The following CCR3 variants were observed in gnomAD, a reference collection of about 807,000 sequenced individuals.
CCR3 encodes C-C motif chemokine receptor 3.
For missense variants in CCR3, 419 were observed against 437.5 expected (o/e 0.96, Z 0.38); for synonymous variants, 203 against 179.2 (o/e 1.13, Z -1.06).
In CCR3 at chr3:46,248,628, G is replaced by A. The variant is rs113287183; in HGVS notation, c.-12+6090G>A. ...TATGCCGAGATAGGTAACAGATGAC[G>A]ATGAAATTTGGGCTTGACTGAAGTA... On this transcript the variant is annotated intron_variant, in intron 1 of 1. Coordinates refer to ENST00000395940, the MANE Select transcript of CCR3 (RefSeq NM_178329.3). Among the ~76,000 whole-genome samples the A allele has an allele frequency of 2.2e-3, 331 of 152,252 alleles. 2 individuals are homozygous for A. The highest frequency in any genetic ancestry group is 6.5e-3 in the African/African-American group (272 of 41,536).
At chr3:46,265,077 A>G in intron 1 of CCR3, 71 bp from the exon 2 acceptor site, 1 of 986,836 alleles carries the variant, frequency 1.0e-6, no homozygotes. Context: ...ACATGAATAA[A>G]TCAACTGGTG....
At chr3:46,227,635 T>C (rs892801558) in intron 2 of CCR3, among the ~76,000 whole-genome samples, 2 of 152,220 alleles carry the variant, frequency 1.3e-5, no homozygotes, top group African/African-American at 4.8e-5. Flanking sequence ...GCGAGACTGT[T>C]CTTTTCTAAT....
chr3:46,221,617 T>G (rs1232806959), intron 2 of CCR3, among the ~76,000 whole-genome samples: 1 of 152,172 alleles, frequency 6.6e-6, no homozygotes, highest in Non-Finnish European at 1.5e-5. Context: ...CAATTTGCAC[T>G]TCCCTTTTCT....
chr3:46,242,299 A>T (rs200688835), upstream of CCR3: 2 of 152,170 alleles, frequency 1.3e-5, no homozygotes, highest in South Asian at 4.1e-4. Context: ...CTTTCTGAAA[A>T]CTTGCAAAAC....
At chr3:46,235,659 A>C (rs1220674314) in intron 2 of CCR3, among the ~76,000 whole-genome samples, 4 of 152,220 alleles carry the variant, frequency 2.6e-5, no homozygotes, top group Non-Finnish European at 4.4e-5. Context: ...ACATTTCAAA[A>C]GGCGTTGAGG....
intron 2 of CCR3, among the ~76,000 whole-genome samples, chr3:46,216,214 CTGAT>C (rs1699772440): frequency 6.6e-6 from 1 of 152,208 alleles, no homozygotes; most frequent in Non-Finnish European, 1.5e-5. Flanking sequence ...ATGTAAGGGA[CTGAT>C]TAAGTCCCGC....
intron 1 of CCR3, among the ~76,000 whole-genome samples, chr3:46,259,456 G>A (rs1212512824): frequency 6.6e-6 from 1 of 152,000 alleles, no homozygotes; most frequent in African/African-American, 2.4e-5. Flanking sequence ...TACAACACAT[G>A]GCTGGTAAAA....
intron 1 of CCR3, among the ~76,000 whole-genome samples, chr3:46,250,623 G>A (rs1257277364): frequency 6.6e-6 from 1 of 152,124 alleles, no homozygotes; most frequent in African/African-American, 2.4e-5. Flanking sequence ...AGTTTGTATT[G>A]GAGCCAAGCA....
chr3:46,256,528 C>T (rs1370775684), intron 1 of CCR3, among the ~76,000 whole-genome samples: 2 of 152,000 alleles, frequency 1.3e-5, no homozygotes, highest in Non-Finnish European at 2.9e-5. Context: ...TTTTGAAAAA[C>T]TTATAAAAAC....
At chr3:46,263,420 G>T (rs946879676) in intron 1 of CCR3, 1 of 155,450 alleles carries the variant, frequency 6.4e-6, no homozygotes, top group Admixed American at 6.5e-5. Context: ...ATGCTATTAT[G>T]AATAAGAATG....
At chr3:46,250,790 G>A (rs917681143) in intron 1 of CCR3, among the ~76,000 whole-genome samples, 1 of 151,882 alleles carries the variant, frequency 6.6e-6, no homozygotes, top group African/African-American at 2.4e-5. Context: ...AGAGAGTAGA[G>A]ACATGGAGGG....
intron 2 of CCR3, among the ~76,000 whole-genome samples, chr3:46,219,993 A>G (rs1699816771): frequency 6.6e-6 from 1 of 152,268 alleles, no homozygotes. Flanking sequence ...AATAGATGGG[A>G]CTGAATTAAA....
At chr3:46,249,242 A>G (rs1443858710) in intron 1 of CCR3, among the ~76,000 whole-genome samples, 1 of 152,114 alleles carries the variant, frequency 6.6e-6, no homozygotes, top group African/African-American at 2.4e-5. Flanking sequence ...GTCCAGGAAT[A>G]GTCAGGGAAG....
chr3:46,264,107 A>G (rs1244212169), intron 1 of CCR3: 3 of 349,434 alleles, frequency 8.6e-6, no homozygotes, highest in African/African-American at 4.4e-5. Context: ...ACCGAAGTCT[A>G]TAATCTCAAG....
intron 2 of CCR3, among the ~76,000 whole-genome samples, chr3:46,221,469 T>G (rs937790107): frequency 1.2e-4 from 18 of 152,198 alleles, no homozygotes; most frequent in African/African-American, 3.6e-4. Flanking sequence ...TTCCTGCACA[T>G]GCAAGATGCA....
chr3:46,262,269 T>G (rs1473756008), intron 1 of CCR3, among the ~76,000 whole-genome samples: 2 of 152,240 alleles, frequency 1.3e-5, no homozygotes, highest in African/African-American at 4.8e-5. Flanking sequence ...ATCCAGCAGA[T>G]GAGAAGCTGG....
upstream of CCR3, among the ~76,000 whole-genome samples, chr3:46,239,052 G>C (rs1350789691): frequency 3.3e-5 from 5 of 152,102 alleles, no homozygotes; most frequent in Non-Finnish European, 2.9e-5. Context: ...TGAATTTGTT[G>C]ACCTGTACCC....
chr3:46,219,487 A>G (rs1370692661), intron 2 of CCR3, among the ~76,000 whole-genome samples: 1 of 152,138 alleles, frequency 6.6e-6, no homozygotes, highest in Non-Finnish European at 1.5e-5. Flanking sequence ...AAAAAATCCT[A>G]TAATTCATAT....
intron 1 of CCR3, among the ~76,000 whole-genome samples, chr3:46,254,723 GACAATGT>G (rs1385284774): frequency 6.6e-6 from 1 of 152,108 alleles, no homozygotes; most frequent in Non-Finnish European, 1.5e-5. Flanking sequence ...ACTTATGAGT[GACAATGT>G]ACAATGTTTG....
Sources: allele counts gnomAD v4.1 joint callset (sites outside exome capture counted in the v4.1 genomes callset), GRCh38; gene constraint gnomAD v4.1.1; transcripts MANE v1.5; gene names NCBI Gene and HGNC (gene_info 2026-07-23, HGNC 2026-07-21).